The following TAFA2 variants were observed in gnomAD, a reference collection of about 807,000 sequenced individuals.
The protein encoded by TAFA2 is TAFA chemokine like family member 2, also known as chemokine-like protein TAFA-2.
A neutral mutation model predicts 18.8 loss-of-function variants in TAFA2; 7 were observed. The ratio of observed to expected loss-of-function variants is 0.37; its 90% CI spans 0.21 to 0.70. The LOEUF is 0.70. TAFA2 is among the 30% of genes least tolerant of loss of function. The probability of loss-of-function intolerance (pLI) is 0.53; values close to 1 mark genes in which losing one functional copy is unlikely to be tolerated. For missense variants in TAFA2, 122 were observed against 158.1 expected (o/e 0.77, Z 1.23); for synonymous variants, 60 against 54.2 (o/e 1.11, Z -0.47).
chr12:61,926,583 C>G (rs1318397186), intron 1 of TAFA2, among the ~76,000 whole-genome samples: 5 of 152,106 alleles, frequency 3.3e-5, no homozygotes, highest in Non-Finnish European at 7.3e-5. Flanking sequence ...TAAATTGAAC[C>G]AATTACAAAA....
At chr12:61,952,295 A>C (rs1878496922) in intron 1 of TAFA2, among the ~76,000 whole-genome samples, 1 of 152,172 alleles carries the variant, frequency 6.6e-6, no homozygotes, top group African/African-American at 2.4e-5. Context: ...TTTCTCTATT[A>C]GGTAATGATA....
rs1485794386 is a variant in TAFA2 at position 61,772,380 on chromosome 12, A to G, written c.107-17356T>C. On this transcript the variant is annotated intron_variant, in intron 2 of 4. Coordinates refer to ENST00000416284, the MANE Select transcript of TAFA2 (RefSeq NM_178539.5). The stretch of plus-strand genomic sequence containing the variant: ...GGAATTCTCCCTAAATCATCCCATG[A>G]AGCCAGTATCACCCTAAAGCCAAAA... Among the ~76,000 whole-genome samples the G allele has an allele frequency of 2.6e-5, 4 of 151,992 alleles. No individual in the cohort carries two copies. In the East Asian group the frequency reaches 7.7e-4, roughly 29 times the overall value.
At chr12:62,080,703 T>C (rs1402403011) in intron 1 of TAFA2, among the ~76,000 whole-genome samples, 1 of 152,192 alleles carries the variant, frequency 6.6e-6, no homozygotes, top group Non-Finnish European at 1.5e-5. Context: ...AAACAATGAT[T>C]GCCACTTTGT....
At chr12:61,798,700 G>T (rs1056256885) in intron 2 of TAFA2, among the ~76,000 whole-genome samples, 1 of 152,192 alleles carries the variant, frequency 6.6e-6, no homozygotes, top group Non-Finnish European at 1.5e-5. Context: ...TGAAGGAAAG[G>T]TGAAGCTGGA....
intron 1 of TAFA2, among the ~76,000 whole-genome samples, chr12:62,139,317 A>T (rs1257219089): frequency 6.6e-6 from 1 of 152,206 alleles, no homozygotes; most frequent in Non-Finnish European, 1.5e-5. Flanking sequence ...TGAATTACTG[A>T]ATGTTATAAA....
intron 1 of TAFA2, among the ~76,000 whole-genome samples, chr12:62,042,401 CTG>C (rs147189045): frequency 0.017 from 2,455 of 143,614 alleles, 53 homozygotes; most frequent in African/African-American, 0.048. Flanking sequence ...GCATTGAAGT[CTG>C]TGTGTGTGTG....
chr12:62,055,266 T>C (rs1044922526), intron 1 of TAFA2, among the ~76,000 whole-genome samples: 8 of 152,224 alleles, frequency 5.3e-5, no homozygotes, highest in Admixed American at 1.3e-4. Context: ...AACACGGTCA[T>C]TTGTATTTTG....
At chr12:61,773,427 G>C (rs1179352789) in intron 2 of TAFA2, among the ~76,000 whole-genome samples, 1 of 151,992 alleles carries the variant, frequency 6.6e-6, no homozygotes. Context: ...GAACAAATCT[G>C]GAGCCATCAT....
intron 1 of TAFA2, among the ~76,000 whole-genome samples, chr12:61,874,297 A>C (rs1211233633): frequency 6.6e-6 from 1 of 152,168 alleles, no homozygotes; most frequent in Non-Finnish European, 1.5e-5. Flanking sequence ...ATCGGTTTCT[A>C]AACTTTGTCT....
chr12:62,251,458 T>C (rs1399682340), intron 1 of TAFA2, among the ~76,000 whole-genome samples: 1 of 152,174 alleles, frequency 6.6e-6, no homozygotes, highest in Non-Finnish European at 1.5e-5. Flanking sequence ...TTTCTCAACA[T>C]GTCCCCAGCT....
At chr12:62,111,665 G>A (rs1592342560) in intron 1 of TAFA2, among the ~76,000 whole-genome samples, 1 of 152,108 alleles carries the variant, frequency 6.6e-6, no homozygotes, top group East Asian at 1.9e-4. Context: ...ATGAATCTAG[G>A]TGCTCCTGTA....
intron 2 of TAFA2, among the ~76,000 whole-genome samples, chr12:61,820,361 A>G (rs1872267776): frequency 6.6e-6 from 1 of 152,040 alleles, no homozygotes; most frequent in Non-Finnish European, 1.5e-5. Context: ...ATATAAGTTG[A>G]TGTTCACTAC....
rs116306744 is a variant in TAFA2, at chr12:61,864,928, A to T, written c.106+2392T>A. 2.6e-3 allele frequency among the ~76,000 whole-genome samples: 400 copies of T among 152,234 alleles called. 4 individuals carry two copies. The highest frequency in any genetic ancestry group is 9.2e-3 in the African/African-American group (382 of 41,540). On this transcript the variant is annotated intron_variant, in intron 2 of 4. Transcript: ENST00000416284. Reference sequence around the variant, plus strand: ...AAGGTGTTCTGGGTCAGAAACTGATATCTTACTAATTAATTCACAATAAAT... The same window carrying T: ...AAGGTGTTCTGGGTCAGAAACTGATTTCTTACTAATTAATTCACAATAAAT...
At position 62,181,493 on chromosome 12, in the gene TAFA2, GA is replaced by G. The variant is rs1424671979; in HGVS notation, c.-2+9765del. ...AGTAGAAACTTGTAAACACTTAGAA[GA>G]AAAAAACTGAGTAAGATTTAATAGC... On this transcript the variant is annotated intron_variant, in intron 1 of 4. Transcript: ENST00000416284. 2.6e-5 allele frequency among the ~76,000 whole-genome samples: 4 copies of G among 152,146 alleles called. No homozygotes were observed. The South Asian group carries it at 6.2e-4, about 24-fold the overall frequency.
chr12:61,731,368 T>C (rs181015963), intron 4 of TAFA2, among the ~76,000 whole-genome samples: 2 of 152,240 alleles, frequency 1.3e-5, no homozygotes, highest in East Asian at 3.9e-4. Flanking sequence ...TTTACAATGT[T>C]AGTCTCCACA....
chr12:61,968,137 T>C (rs1879129579), intron 1 of TAFA2, among the ~76,000 whole-genome samples: 1 of 151,858 alleles, frequency 6.6e-6, no homozygotes. Flanking sequence ...TGGTGAGATA[T>C]ATAGACAATG....
intron 1 of TAFA2, among the ~76,000 whole-genome samples, chr12:61,994,826 G>A (rs1298030055): frequency 6.6e-6 from 1 of 151,936 alleles, no homozygotes; most frequent in East Asian, 1.9e-4. Flanking sequence ...TTCTTTCTCT[G>A]CTATCTCAAC....
In TAFA2 at chr12:61,795,727, T is replaced by A. The variant is rs1476527443; in HGVS notation, c.107-40703A>T. The stretch of plus-strand genomic sequence containing the variant: ...GTACCCTAGAACTTAAAGTGTAATT[T>A]AAAAAAAAAACTAAGCAAAATAAAC... On this transcript the variant is annotated intron_variant, in intron 2 of 4. Transcript: ENST00000416284. Among the ~76,000 whole-genome samples, 19 of 140,524 alleles carry A rather than the reference T, an allele frequency of 1.4e-4. 1 individual carries two copies. The highest frequency in any genetic ancestry group is 1.3e-4 in the African/African-American group (5 of 38,400). 92.2% of individuals were successfully genotyped at this position (140,524 alleles called of 152,430 possible).
intron 2 of TAFA2, among the ~76,000 whole-genome samples, chr12:61,757,752 A>G (rs116315335): frequency 0.021 from 3,215 of 152,150 alleles, 129 homozygotes; most frequent in African/African-American, 0.073. Flanking sequence ...AGAAGACAAA[A>G]GAATAAAAGG....
Sources: gnomAD v4.1 joint callset for allele counts (sites outside exome capture counted in the v4.1 genomes callset) on GRCh38, gnomAD v4.1.1 for gene constraint, MANE v1.5 for transcripts, NCBI Gene and HGNC (gene_info 2026-07-23, HGNC 2026-07-21) for gene names.